The following ATIC variants were observed in gnomAD, a reference collection of about 807,000 sequenced individuals.
ATIC encodes the protein bifunctional purine biosynthesis protein ATIC.
A neutral mutation model predicts 72.5 loss-of-function variants in ATIC; 64 were observed. The observed-to-expected ratio is 0.88, with a 90% CI of 0.72 to 1.09. The LOEUF (loss-of-function observed/expected upper bound fraction) is 1.09, where lower values mean the gene tolerates loss of function less well. Among genes scored for constraint, ATIC ranks in the 50% least tolerant of loss-of-function variants. The probability of loss-of-function intolerance (pLI) is 0.00; values close to 1 mark genes in which losing one functional copy is unlikely to be tolerated. For missense variants in ATIC, 787 were observed against 732.4 expected (o/e 1.07, Z -0.86); for synonymous variants, 281 against 267.1 (o/e 1.05, Z -0.51).
At chr2:215,318,712 T>G (rs1442520622) in intron 3 of ATIC, among the ~76,000 whole-genome samples, 1 of 152,074 alleles carries the variant, frequency 6.6e-6, no homozygotes, top group Non-Finnish European at 1.5e-5. Flanking sequence ...TACAATTTGG[T>G]GAATAAAGCT....
At chr2:215,334,600 T>C (rs2052934804) in intron 9 of ATIC, among the ~76,000 whole-genome samples, 1 of 152,202 alleles carries the variant, frequency 6.6e-6, no homozygotes, top group Non-Finnish European at 1.5e-5. Context: ...CTTGAGAAAC[T>C]ATTACCATAG....
At chr2:215,339,915 C>T (rs889340967) in intron 12 of ATIC, among the ~76,000 whole-genome samples, 19 of 152,062 alleles carry the variant, frequency 1.2e-4, no homozygotes, top group Non-Finnish European at 1.5e-4. Flanking sequence ...GGGTTACAGG[C>T]GTGAGCCACC....
intron 4 of ATIC, among the ~76,000 whole-genome samples, chr2:215,322,050 G>A (rs1038220363): frequency 3.9e-5 from 6 of 151,926 alleles, no homozygotes; most frequent in Admixed American, 1.3e-4. Context: ...ACAGGTGCCC[G>A]CCACCACACT....
intron 12 of ATIC, among the ~76,000 whole-genome samples, chr2:215,342,391 A>G (rs764859897): frequency 1.3e-5 from 2 of 152,218 alleles, no homozygotes; most frequent in Non-Finnish European, 2.9e-5. Flanking sequence ...TTGTAGATTC[A>G]TATACAGTTG....
chr2:215,331,509 A>G (rs2052894687), intron 7 of ATIC, among the ~76,000 whole-genome samples: 1 of 150,338 alleles, frequency 6.7e-6, no homozygotes, highest in Non-Finnish European at 1.5e-5. Context: ...CAGCCTCCCT[A>G]GTAGCTGGGA....
At chr2:215,319,794 T>C (rs1462487630) in intron 4 of ATIC, 63 bp downstream of exon 4, 16 of 1,305,092 alleles carry the variant, frequency 1.2e-5, no homozygotes, top group Non-Finnish European at 1.8e-5. Flanking sequence ...ATGCCAAACC[T>C]GGTGTCCCTG....
intron 9 of ATIC, among the ~76,000 whole-genome samples, chr2:215,334,381 A>C (rs1234143918): frequency 6.6e-6 from 1 of 151,734 alleles, no homozygotes; most frequent in Non-Finnish European, 1.5e-5. Flanking sequence ...TTTTTAGTAG[A>C]GACATGGTTT....
intron 2 of ATIC, among the ~76,000 whole-genome samples, chr2:215,313,011 C>A (rs925022287): frequency 6.6e-6 from 1 of 150,978 alleles, no homozygotes; most frequent in Non-Finnish European, 1.5e-5. Flanking sequence ...GCAGGAGAAT[C>A]GCTTGAACCT....
chr2:215,348,193 TACAC>T (rs1644881279), intron 14 of ATIC, among the ~76,000 whole-genome samples: 1 of 152,218 alleles, frequency 6.6e-6, no homozygotes, highest in Admixed American at 6.5e-5. Context: ...TTGGAGTGGA[TACAC>T]ACACTCAAAC....
the ATIC span, among the ~76,000 whole-genome samples, chr2:215,366,428 T>C: frequency 6.6e-5 from 10 of 152,130 alleles, no homozygotes; most frequent in Non-Finnish European, 1.5e-4. Flanking sequence ...ACCTGTTTCA[T>C]GTACATGGGA....
At chr2:215,352,918 TTA>T (rs1479668998), downstream of ATIC, among the ~76,000 whole-genome samples, 4 of 152,238 alleles carry the variant, frequency 2.6e-5, no homozygotes, top group Non-Finnish European at 5.9e-5. Context: ...GTGATGTCGT[TTA>T]ATTTGTGCCT....
At chr2:215,361,578 C>T in the ATIC span, 1 of 1,611,254 alleles carries the variant, frequency 6.2e-7, no homozygotes, top group Non-Finnish European at 8.5e-7. Context: ...TCTTCTCTGT[C>T]AGCCTGTACA....
At chr2:215,365,773 G>A in the ATIC span, 12 of 491,164 alleles carry the variant, frequency 2.4e-5, no homozygotes, top group Admixed American at 4.6e-4. Flanking sequence ...CCCCTATAAT[G>A]GGCCATTTAT....
chr2:215,324,759 G>A (rs972352790), intron 4 of ATIC, among the ~76,000 whole-genome samples: 14 of 151,928 alleles, frequency 9.2e-5, no homozygotes, highest in Non-Finnish European at 2.9e-5. Flanking sequence ...CTCTCTGAAG[G>A]CAAAACAAAT....
At chr2:215,360,620 A>G in the ATIC span, 82,095 of 152,142 alleles carry the variant, frequency 0.54, 23,133 homozygotes, top group Non-Finnish European at 0.63. Context: ...AGCAATTTTA[A>G]TAAATATTGG....
chr2:215,318,226 C>A lies in ATIC; in HGVS notation c.216C>A (p.Val72=). The change falls in exon 3 of 16, where the codon GTC becomes GTA. Residue 72 remains valine, a synonymous_variant. Coordinates refer to ENST00000236959, the MANE Select transcript of ATIC (RefSeq NM_004044.7). ...GTGTGAAAACTTTGCATCCTGCAGT[C>A]CATGCTGGTAAGTGGTTGGTATCTT... ...GGRVKTLHPA[V]HAGILARNIP... 1 of 1,613,342 alleles carries A rather than the reference C, an allele frequency of 6.2e-7. No individual in the cohort carries two copies. Among genetic ancestry groups the A allele is most frequent in the Non-Finnish European group, 8.5e-7 (1 of 1,179,302 alleles).
chr2:215,358,602 A>G, the ATIC span, among the ~76,000 whole-genome samples: 75 of 152,358 alleles, frequency 4.9e-4, no homozygotes, highest in Non-Finnish European at 9.7e-4. Context: ...ACTCTATACT[A>G]TGCTATTTGC....
chr2:215,313,831 A>G (rs1399390312), intron 2 of ATIC, among the ~76,000 whole-genome samples: 1 of 152,142 alleles, frequency 6.6e-6, no homozygotes, highest in Non-Finnish European at 1.5e-5. Flanking sequence ...TGTGGTTTTC[A>G]TGGGAAACCT....
intron 11 of ATIC, 36 bp from the exon 12 acceptor site, chr2:215,338,743 A>G: frequency 1.2e-6 from 2 of 1,605,592 alleles, no homozygotes; most frequent in Non-Finnish European, 1.7e-6. Flanking sequence ...AGGGAAGTGG[A>G]GAGATTAACT....
Sources: allele counts gnomAD v4.1 joint callset (sites outside exome capture counted in the v4.1 genomes callset), GRCh38; gene constraint gnomAD v4.1.1; transcripts MANE v1.5; gene names NCBI Gene and HGNC (gene_info 2026-07-23, HGNC 2026-07-21).